Variants in COX7A2L observed in about 807,000 individuals in gnomAD.
The protein encoded by COX7A2L is cytochrome c oxidase subunit 7A2 like.
In COX7A2L, 18 loss-of-function variants were observed where a neutral mutation model predicts 14.2. The observed-to-expected ratio is 1.27, with a 90% CI of 0.88 to 1.88. The LOEUF (loss-of-function observed/expected upper bound fraction) is 1.88. Ranked by LOEUF, COX7A2L falls within the 40% of genes most tolerant of loss-of-function variation. COX7A2L has a pLI of 0.00. For missense variants in COX7A2L, 179 were observed against 138.8 expected (o/e 1.29, Z -1.46); for synonymous variants, 65 against 57.4 (o/e 1.13, Z -0.60).
intron 1 of COX7A2L, among the ~76,000 whole-genome samples, chr2:42,355,717 CTTTTT>C (rs386390054): frequency 2.9e-5 from 2 of 69,052 alleles, no homozygotes; most frequent in East Asian, 5.1e-4. Flanking sequence ...ATCCTACGTT[CTTTTT>C]TTTTTTTTTT....
At chr2:42,354,754 T>C (rs997922837) in intron 1 of COX7A2L, among the ~76,000 whole-genome samples, 1 of 152,072 alleles carries the variant, frequency 6.6e-6, no homozygotes, top group Admixed American at 6.5e-5. Context: ...TCATTCAACA[T>C]TTATTACTGA....
intron 2 of COX7A2L, among the ~76,000 whole-genome samples, chr2:42,352,584 G>C (rs187116613): frequency 1.3e-5 from 2 of 152,298 alleles, no homozygotes; most frequent in Non-Finnish European, 2.9e-5. Flanking sequence ...CTCAAGATGG[G>C]TCTGGATCTG....
chr2:42,367,939 T>C (rs182113051), intron 1 of COX7A2L, among the ~76,000 whole-genome samples: 6 of 152,360 alleles, frequency 3.9e-5, no homozygotes, highest in Admixed American at 6.5e-5. Flanking sequence ...CAGATGCATA[T>C]TGGAGAATAA....
chr2:42,340,527 C>T (rs1202035190), intron 2 of COX7A2L, among the ~76,000 whole-genome samples: 2 of 152,170 alleles, frequency 1.3e-5, no homozygotes, highest in Non-Finnish European at 2.9e-5. Context: ...GTCCAGCTCT[C>T]GGGCCTGGCC....
At chr2:42,351,898 G>A (rs1005734756) in intron 2 of COX7A2L, among the ~76,000 whole-genome samples, 3 of 152,136 alleles carry the variant, frequency 2.0e-5, no homozygotes, top group Admixed American at 6.5e-5. Flanking sequence ...TGGGAGGATC[G>A]CTTGAGCCCA....
chr2:42,358,567 C>G (rs1670905812), intron 1 of COX7A2L, among the ~76,000 whole-genome samples: 1 of 152,154 alleles, frequency 6.6e-6, no homozygotes, highest in Non-Finnish European at 1.5e-5. Flanking sequence ...CACAATCACT[C>G]AGAAATTTAC....
intron 2 of COX7A2L, among the ~76,000 whole-genome samples, chr2:42,340,557 C>G (rs12465300): frequency 0.48 from 73,297 of 151,848 alleles, 18,209 homozygotes; most frequent in East Asian, 0.74. Flanking sequence ...TGCTCCGTAA[C>G]GCCTGAGCCT....
intron 1 of COX7A2L, among the ~76,000 whole-genome samples, chr2:42,354,193 C>T (rs1558632972): frequency 1.3e-5 from 2 of 152,098 alleles, no homozygotes; most frequent in Admixed American, 1.3e-4. Flanking sequence ...TCTGTGAATA[C>T]ACTAAAAAAC....
intron 2 of COX7A2L, among the ~76,000 whole-genome samples, chr2:42,340,086 C>A (rs966813887): frequency 2.0e-5 from 3 of 152,172 alleles, no homozygotes; most frequent in African/African-American, 7.2e-5. Flanking sequence ...TCTCCTCAGA[C>A]CGAATGCTTA....
intron 2 of COX7A2L, among the ~76,000 whole-genome samples, chr2:42,352,521 C>G (rs1443794635): frequency 6.6e-6 from 1 of 152,130 alleles, no homozygotes; most frequent in Admixed American, 6.5e-5. Flanking sequence ...TCTCTCAAAC[C>G]TTACTTATCA....
upstream of COX7A2L, among the ~76,000 whole-genome samples, chr2:42,364,250 C>CAAAAAAAA (rs35151680): frequency 1.3e-3 from 113 of 85,400 alleles, 1 homozygote; most frequent in African/African-American, 3.6e-3. Flanking sequence ...GACTCCGTCT[C>CAAAAAAAA]AAAAAAAAAA....
At chr2:42,365,082 T>C (rs1671137190), upstream of COX7A2L, among the ~76,000 whole-genome samples, 1 of 152,202 alleles carries the variant, frequency 6.6e-6, no homozygotes, top group South Asian at 2.1e-4. Context: ...ATACACTTAA[T>C]TATGCATAGA....
intron 1 of COX7A2L, among the ~76,000 whole-genome samples, chr2:42,357,519 C>T (rs549688268): frequency 1.3e-4 from 19 of 151,906 alleles, no homozygotes; most frequent in Non-Finnish European, 2.5e-4. Flanking sequence ...ACTTTGCTGC[C>T]CAGGCTGGTC....
rs776331633 is a variant in COX7A2L, at chr2:42,342,383, C to T, written c.193-8514G>A. Among the ~76,000 whole-genome samples the T allele has an allele frequency of 3.5e-4, 53 of 152,256 alleles. No individual in the cohort carries two copies. Among genetic ancestry groups the T allele is most frequent in the Non-Finnish European group, 7.4e-4 (50 of 68,022 alleles). On this transcript the variant is annotated intron_variant, in intron 2 of 2. Transcript: ENST00000468711. The surrounding 1 kb of genome is among the most constrained non-coding windows in gnomAD (Gnocchi z 4.9). The stretch of plus-strand genomic sequence containing the variant: ...GAAACCACCCCAATTTCTGCACCCA[C>T]TTATTCCTTGGCCCTTCAGGCAGGC...
intron 2 of COX7A2L, among the ~76,000 whole-genome samples, chr2:42,351,616 A>G (rs1464136637): frequency 1.3e-5 from 2 of 152,170 alleles, no homozygotes; most frequent in African/African-American, 4.8e-5. Context: ...TTTATCACAT[A>G]TTGCTTAACT....
chr2:42,348,615 AAG>A (rs1466054401), downstream of COX7A2L, among the ~76,000 whole-genome samples: 4 of 152,166 alleles, frequency 2.6e-5, no homozygotes, highest in South Asian at 2.1e-4. Flanking sequence ...TCTGGATAAA[AAG>A]AGACTAAACA....
intron 2 of COX7A2L, among the ~76,000 whole-genome samples, chr2:42,337,165 A>T (rs754036681): frequency 6.6e-6 from 1 of 152,228 alleles, no homozygotes; most frequent in Non-Finnish European, 1.5e-5. Flanking sequence ...CCCATTGCTT[A>T]AATTCTAGAA....
chr2:42,346,062 G>T (rs1197049707), downstream of COX7A2L, among the ~76,000 whole-genome samples: 1 of 152,174 alleles, frequency 6.6e-6, no homozygotes, highest in African/African-American at 2.4e-5. Flanking sequence ...GAATAGGGCA[G>T]CCTGCACTCC....
At chr2:42,360,284 CTTCAT>C (rs1670981533) in intron 1 of COX7A2L, among the ~76,000 whole-genome samples, 2 of 152,194 alleles carry the variant, frequency 1.3e-5, no homozygotes, top group Non-Finnish European at 2.9e-5. Context: ...ACTTGACACA[CTTCAT>C]TTAATGTGTA....
Sources: gnomAD v4.1 joint callset for allele counts (sites outside exome capture counted in the v4.1 genomes callset) on GRCh38, gnomAD v4.1.1 for gene constraint, Gnocchi (gnomAD v3.1) non-coding constraint, MANE v1.5 for transcripts, NCBI Gene and HGNC (gene_info 2026-07-23, HGNC 2026-07-21) for gene names.